The following SLC47A1 variants were observed in gnomAD, a reference collection of about 807,000 sequenced individuals.
SLC47A1 encodes the protein solute carrier family 47 member 1, also known as multidrug and toxin extrusion protein 1.
A neutral mutation model predicts 65.8 loss-of-function variants in SLC47A1; 58 were observed. The observed-to-expected ratio is 0.88, with a 90% CI of 0.71 to 1.10. SLC47A1 has a LOEUF of 1.10. Ranked by LOEUF, SLC47A1 falls within the 50% of genes least tolerant of loss-of-function variation. SLC47A1 has a pLI of 0.00. For missense variants in SLC47A1, 706 were observed against 719.2 expected, an observed-to-expected ratio of 0.98 and a Z score of 0.21; for synonymous variants, 285 against 295.0, an observed-to-expected ratio of 0.97 and a Z score of 0.35.
chr17:19,537,538 G>A (rs1305147484), intron 1 of SLC47A1, among the ~76,000 whole-genome samples: 1 of 152,250 alleles, frequency 6.6e-6, no homozygotes, highest in Non-Finnish European at 1.5e-5. Flanking sequence ...GAGCTGGACA[G>A]AGGAAAGCCG....
chr17:19,546,453 G>A lies in SLC47A1; in HGVS notation c.256G>A (p.Val86Ile). The A allele has an allele frequency of 6.2e-7, 1 of 1,613,856 alleles. No homozygotes were observed. Among genetic ancestry groups the A allele is most frequent in the Non-Finnish European group, 8.5e-7 (1 of 1,179,974 alleles). ...LAIAVINVTG[V>I]SVGFGLSSAC... ...TTTGCAGGTTATCAATGTCACTGGT[G>A]TCTCAGTGGGATTCGGCTTATCTTC... is the stretch of plus-strand genomic sequence containing the variant. The change falls in exon 3 of 17, where the codon GTC becomes ATC. Residue 86 changes from valine (V) to isoleucine (I), a missense_variant. Val to Ile is a conservative substitution (Grantham distance 29). Transcript: ENST00000270570.
Position 19,546,517 on chromosome 17 carries a change from G to T in SLC47A1, c.306+14G>T. 1 of 1,612,544 alleles carries T rather than the reference G, an allele frequency of 6.2e-7. No individual in the cohort carries two copies. Among genetic ancestry groups the T allele is most frequent in the Non-Finnish European group, 8.5e-7 (1 of 1,179,252 alleles). On this transcript the variant is annotated intron_variant, in intron 3 of 16. Coordinates refer to ENST00000270570, the MANE Select transcript of SLC47A1 (RefSeq NM_018242.3). ...CTCATCTCCCAGGTAAATGGAAGTGGTCACACGCTCACAGTGACCTCAAAC... is the reference window on the plus strand; with the variant it reads ...CTCATCTCCCAGGTAAATGGAAGTGTTCACACGCTCACAGTGACCTCAAAC...
At chr17:19,563,621 T>C (rs1056881639) in intron 12 of SLC47A1, among the ~76,000 whole-genome samples, 1 of 152,122 alleles carries the variant, frequency 6.6e-6, no homozygotes, top group African/African-American at 2.4e-5. Context: ...TGACAAAGTT[T>C]GCACATAAAA....
At chr17:19,571,157 C>G in intron 14 of SLC47A1, 1 of 187,814 alleles carries the variant, frequency 5.3e-6, no homozygotes, top group African/African-American at 2.3e-5. Flanking sequence ...TTCCTTATAA[C>G]TGGCATTTTT....
chr17:19,542,014 A>T (rs1226718656), intron 1 of SLC47A1, among the ~76,000 whole-genome samples: 1 of 152,114 alleles, frequency 6.6e-6, no homozygotes, highest in Non-Finnish European at 1.5e-5. Flanking sequence ...AATCTCAGCT[A>T]CTCAGGAGGC....
At chr17:19,549,811 C>T in intron 5 of SLC47A1, 134 bp downstream of exon 5, 3 of 951,372 alleles carry the variant, frequency 3.2e-6, no homozygotes, top group South Asian at 2.8e-5. Flanking sequence ...TCAAGGAAGC[C>T]TGTTTTTATT....
At chr17:19,542,736 G>T (rs1371399739) in intron 2 of SLC47A1, among the ~76,000 whole-genome samples, 4 of 151,682 alleles carry the variant, frequency 2.6e-5, no homozygotes, top group Non-Finnish European at 5.9e-5. Context: ...GGGACATCTG[G>T]GGGGGCATTA....
intron 1 of SLC47A1, 52 bp downstream of exon 1, chr17:19,534,126 G>A (rs1411573525): frequency 6.8e-7 from 1 of 1,465,422 alleles, no homozygotes; most frequent in Non-Finnish European, 9.1e-7. Flanking sequence ...TGGGGACCTG[G>A]TGATTTCTGC....
chr17:19,551,493 T>C (rs748319999), intron 6 of SLC47A1, 25 bp downstream of exon 6: 1 of 1,602,518 alleles, frequency 6.2e-7, no homozygotes, highest in Non-Finnish European at 8.6e-7. Flanking sequence ...TCTCTTCCTT[T>C]GGGAGGCTAA....
chr17:19,538,524 A>G (rs1034620063), intron 1 of SLC47A1, among the ~76,000 whole-genome samples: 1 of 152,252 alleles, frequency 6.6e-6, no homozygotes, highest in African/African-American at 2.4e-5. Flanking sequence ...AGTCAGGACC[A>G]TCTGTACTGT....
intron 13 of SLC47A1, 100 bp from the exon 14 acceptor site, chr17:19,566,996 T>C: frequency 6.3e-7 from 1 of 1,597,398 alleles, no homozygotes; most frequent in Middle Eastern, 1.7e-4. Flanking sequence ...TACTGTCACC[T>C]TACCATGGAT....
At chr17:19,567,279 A>T (rs1192094737) in intron 14 of SLC47A1, 51 bp downstream of exon 14, 1 of 1,611,822 alleles carries the variant, frequency 6.2e-7, no homozygotes, top group African/African-American at 1.3e-5. Flanking sequence ...AGCCCAGGAA[A>T]TGACCGTCGG....
In SLC47A1 at chr17:19,570,102, A is replaced by G. The variant is rs116760963; in HGVS notation, c.1310-1376A>G. Reference sequence around the variant, plus strand: ...TCTCCAGCCTGGGCAACAGAGCAAGACCCTGACTCTAAAAAGCAAACAAAC... The same window carrying G: ...TCTCCAGCCTGGGCAACAGAGCAAGGCCCTGACTCTAAAAAGCAAACAAAC... On this transcript the variant is annotated intron_variant, in intron 14 of 16. Coordinates refer to ENST00000270570, the MANE Select transcript of SLC47A1 (RefSeq NM_018242.3). Among the ~76,000 whole-genome samples the G allele has an allele frequency of 2.6e-3, 398 of 152,302 alleles. 1 individual carries two copies. The highest frequency in any genetic ancestry group is 9.1e-3 in the African/African-American group (379 of 41,560).
intron 13 of SLC47A1, 55 bp downstream of exon 13, chr17:19,566,914 A>C: frequency 6.2e-7 from 1 of 1,601,766 alleles, no homozygotes; most frequent in Non-Finnish European, 8.5e-7. Flanking sequence ...GATGGTGGTA[A>C]ATTTCAGCTG....
chr17:19,545,382 C>T (rs1019043024), intron 2 of SLC47A1, among the ~76,000 whole-genome samples: 1 of 152,074 alleles, frequency 6.6e-6, no homozygotes, highest in South Asian at 2.1e-4. Flanking sequence ...TTAGTAGAGA[C>T]TGGGTTTCAC....
At chr17:19,568,636 T>A (rs1028246394) in intron 14 of SLC47A1, among the ~76,000 whole-genome samples, 2 of 152,214 alleles carry the variant, frequency 1.3e-5, no homozygotes, top group Non-Finnish European at 2.9e-5. Context: ...CTAATTAACA[T>A]ACTTATCACC....
intron 14 of SLC47A1, chr17:19,571,104 G>T: frequency 1.3e-5 from 2 of 157,276 alleles, no homozygotes; most frequent in Middle Eastern, 3.2e-3. Flanking sequence ...CCCCTTTTTT[G>T]AGGAAACCAG....
intron 1 of SLC47A1, among the ~76,000 whole-genome samples, chr17:19,536,183 C>T (rs1325361706): frequency 1.3e-5 from 2 of 152,000 alleles, no homozygotes; most frequent in South Asian, 2.1e-4. Context: ...CCTCCTGCCT[C>T]GGCCTCCCAA....
intron 4 of SLC47A1, among the ~76,000 whole-genome samples, 191 bp from the exon 5 acceptor site, chr17:19,549,444 G>T (rs1916383883): frequency 6.6e-6 from 1 of 152,036 alleles, no homozygotes; most frequent in African/African-American, 2.4e-5. Flanking sequence ...TGAACTGCTT[G>T]CCTCGGGATT....
Sources: allele counts gnomAD v4.1 joint callset (sites outside exome capture counted in the v4.1 genomes callset), GRCh38; gene constraint gnomAD v4.1.1; transcripts MANE v1.5; gene names NCBI Gene and HGNC (gene_info 2026-07-23, HGNC 2026-07-21).